The following SLC22A23 variants were observed in gnomAD, a reference collection of about 807,000 sequenced individuals.
The protein encoded by SLC22A23 is solute carrier family 22 member 23, also known as ion transporter protein.
A neutral mutation model predicts 61.0 loss-of-function variants in SLC22A23; 26 were observed. The ratio of observed to expected loss-of-function variants is 0.43; its 90% CI spans 0.31 to 0.59. SLC22A23 has a LOEUF of 0.59. Among genes scored for constraint, SLC22A23 ranks in the 20% least tolerant of loss-of-function variants. The pLI, the probability that SLC22A23 is intolerant of heterozygous loss-of-function variation, is 0.11. For missense variants in SLC22A23, 796 were observed against 934.7 expected, an observed-to-expected ratio of 0.85 and a Z score of 1.94; for synonymous variants, 430 against 413.9, an observed-to-expected ratio of 1.04 and a Z score of -0.47.
chr6:3,345,427 C>T lies in SLC22A23; in HGVS notation c.914-21425G>A, dbSNP rs142145487. On this transcript the variant is annotated intron_variant, in intron 3 of 9. Coordinates refer to ENST00000406686, the MANE Select transcript of SLC22A23 (RefSeq NM_015482.2). ...TCACCCAGGCTGGAGTGCAGTGGTACGAACTGTGGCTCACTGCAGCCTCCG... is the reference window on the plus strand; with the variant it reads ...TCACCCAGGCTGGAGTGCAGTGGTATGAACTGTGGCTCACTGCAGCCTCCG... 7.0e-3 allele frequency among the ~76,000 whole-genome samples: 1,003 copies of T among 142,884 alleles called. 7 individuals carry two copies. The highest frequency in any genetic ancestry group is 0.019 in the Middle Eastern group (5 of 262). The allele number at this position is 142,884 out of a possible 152,430, so 93.7% of individuals were successfully genotyped here.
At chr6:3,408,795 C>A (rs952198314) in intron 3 of SLC22A23, among the ~76,000 whole-genome samples, 3 of 152,218 alleles carry the variant, frequency 2.0e-5, no homozygotes, top group Non-Finnish European at 1.5e-5. Flanking sequence ...GCAGAGCTGT[C>A]CCCTTTTATG....
intron 8 of SLC22A23, among the ~76,000 whole-genome samples, chr6:3,284,619 G>A (rs1759797118): frequency 6.6e-6 from 1 of 152,228 alleles, no homozygotes. Flanking sequence ...GGGTGCAGCA[G>A]CAGCTTCGAG....
chr6:3,323,046 C>A (rs1402210293), intron 4 of SLC22A23, among the ~76,000 whole-genome samples: 3 of 124,992 alleles, frequency 2.4e-5, no homozygotes, highest in African/African-American at 6.5e-5. Context: ...AACATAAATT[C>A]CCTGGAGAGT....
At chr6:3,338,391 AT>A (rs1763973907) in intron 3 of SLC22A23, among the ~76,000 whole-genome samples, 3 of 152,358 alleles carry the variant, frequency 2.0e-5, no homozygotes, top group Admixed American at 2.0e-4. Flanking sequence ...GTGCAGTGGT[AT>A]GATCTTCGCT....
intron 1 of SLC22A23, among the ~76,000 whole-genome samples, chr6:3,447,221 C>T (rs1439887903): frequency 6.6e-6 from 1 of 152,192 alleles, no homozygotes; most frequent in Non-Finnish European, 1.5e-5. Context: ...TTGCAAGTGC[C>T]ATTTGCTGTC....
intron 4 of SLC22A23, among the ~76,000 whole-genome samples, chr6:3,315,863 CA>C (rs59464373): frequency 0.013 from 1,896 of 144,810 alleles, 36 homozygotes; most frequent in African/African-American, 0.046. Context: ...GAATCCGTCT[CA>C]AAAAAAAAAA....
chr6:3,424,728 A>G (rs1395636946), intron 1 of SLC22A23, among the ~76,000 whole-genome samples: 1 of 152,222 alleles, frequency 6.6e-6, no homozygotes, highest in Non-Finnish European at 1.5e-5. Context: ...GTTTGTAAAT[A>G]AAGTTTTATT....
chr6:3,414,273 T>C lies in SLC22A23; in HGVS notation c.758+1479A>G, dbSNP rs538786662. On this transcript the variant is annotated intron_variant, in intron 2 of 9. Coordinates refer to ENST00000406686, the MANE Select transcript of SLC22A23 (RefSeq NM_015482.2). The surrounding 1 kb of genome is among the most constrained non-coding windows in gnomAD (Gnocchi z 5.1). ...TCTAACCTATTTCAATGTAGATTTC[T>C]GGGAAACGGTATATTTTAGACCAAT... Among the ~76,000 whole-genome samples, 90 of 152,312 alleles carry C rather than the reference T, an allele frequency of 5.9e-4. No homozygotes were observed. The highest frequency in any genetic ancestry group is 6.8e-3 in the Middle Eastern group (2 of 294).
chr6:3,428,097 T>C (rs972013400), intron 1 of SLC22A23, among the ~76,000 whole-genome samples: 15 of 152,230 alleles, frequency 9.9e-5, no homozygotes, highest in Admixed American at 5.2e-4. Context: ...CACCGGGGCC[T>C]GGCCAGATGC....
Position 3,322,379 on chromosome 6 carries a change from G to C in SLC22A23, c.1082+1455C>G, listed in dbSNP as rs1282145248. Among the ~76,000 whole-genome samples, 1 of 152,198 alleles carries C rather than the reference G, an allele frequency of 6.6e-6. No homozygotes were observed. Among genetic ancestry groups the C allele is most frequent in the Non-Finnish European group, 1.5e-5 (1 of 68,018 alleles). On this transcript the variant is annotated intron_variant, in intron 4 of 9. Transcript: ENST00000406686. The surrounding 1 kb of genome is among the most constrained non-coding windows in gnomAD (Gnocchi z 4.1). ...ACTTCCTTAGGAGATAGAAGGAAGA[G>C]AGCTGCCCACTCCATCCTTCTCCAG... is the stretch of plus-strand genomic sequence containing the variant.
chr6:3,367,664 C>T (rs536697074), intron 3 of SLC22A23, among the ~76,000 whole-genome samples: 1 of 152,276 alleles, frequency 6.6e-6, no homozygotes, highest in South Asian at 2.1e-4. Flanking sequence ...AGTCACACAG[C>T]TCATAGTGGT....
intron 3 of SLC22A23, among the ~76,000 whole-genome samples, chr6:3,378,657 C>CTTTTTTTTTCTTTTCTTTTTTCTT (rs1766745969): frequency 8.4e-6 from 1 of 119,058 alleles, no homozygotes; most frequent in African/African-American, 3.1e-5. Flanking sequence ...TTTCTTTTTT[C>CTTTTTTTTTCTTTTCTTTTTTCTT]TTTTTTTTTT....
intron 1 of SLC22A23, among the ~76,000 whole-genome samples, 171 bp downstream of exon 1, chr6:3,455,735 C>A (rs1049642292): frequency 2.6e-5 from 4 of 152,214 alleles, no homozygotes; most frequent in Non-Finnish European, 5.9e-5. Context: ...TCCCTTTACA[C>A]CCAAGTAAAG....
At chr6:3,284,164 T>C (rs1055971181) in intron 8 of SLC22A23, 189 bp from the exon 9 acceptor site, 2 of 527,184 alleles carry the variant, frequency 3.8e-6, no homozygotes, top group East Asian at 6.7e-5. Context: ...CAGTGGGTTT[T>C]GTGGGGCTTC....
At chr6:3,296,041 G>C (rs1204233120) in intron 5 of SLC22A23, among the ~76,000 whole-genome samples, 1 of 152,180 alleles carries the variant, frequency 6.6e-6, no homozygotes, top group Non-Finnish European at 1.5e-5. Flanking sequence ...ATTAGGATTT[G>C]AGAAAACAAG....
intron 4 of SLC22A23, chr6:3,323,124 G>A (rs546639795): frequency 5.4e-4 from 214 of 395,294 alleles, no homozygotes; most frequent in Non-Finnish European, 9.9e-4. Flanking sequence ...CCCCCGTACT[G>A]CCGGCAAAGC....
chr6:3,383,139 C>T (rs1767059346), intron 3 of SLC22A23, among the ~76,000 whole-genome samples: 1 of 152,030 alleles, frequency 6.6e-6, no homozygotes, highest in African/African-American at 2.4e-5. Context: ...GAGAAACAAA[C>T]AAATGATAAA....
At chr6:3,281,795 G>A (rs1035214807) in intron 9 of SLC22A23, among the ~76,000 whole-genome samples, 4 of 152,106 alleles carry the variant, frequency 2.6e-5, no homozygotes, top group African/African-American at 9.7e-5. Flanking sequence ...TGTCAGGAAC[G>A]CTAGACATTC....
intron 1 of SLC22A23, chr6:3,439,253 T>C (rs1453900342): frequency 7.2e-6 from 3 of 416,214 alleles, no homozygotes; most frequent in African/African-American, 6.2e-5. Context: ...ACGACAAAAA[T>C]GTCTCCAGAC....
Sources: gnomAD v4.1 joint callset for allele counts (sites outside exome capture counted in the v4.1 genomes callset) on GRCh38, gnomAD v4.1.1 for gene constraint, Gnocchi (gnomAD v3.1) non-coding constraint, MANE v1.5 for transcripts, NCBI Gene and HGNC (gene_info 2026-07-23, HGNC 2026-07-21) for gene names.